KAZN: variants seen among roughly 807,000 people sequenced by gnomAD.
KAZN encodes kazrin.
KAZN carries 40 observed loss-of-function variants against 87.4 expected under a neutral mutation model. The observed-to-expected ratio is 0.46, with a 90% CI of 0.36 to 0.60. The LOEUF is 0.60. Among genes scored for constraint, KAZN ranks in the 20% least tolerant of loss-of-function variants. KAZN has a pLI of 0.00. For synonymous variants in KAZN, 466 were observed against 458.3 expected, an observed-to-expected ratio of 1.02 and a Z score of -0.22; for missense variants, 898 against 1,073.9, an observed-to-expected ratio of 0.84 and a Z score of 2.29.
chr1:14,453,850 A>G (rs569398246), intron 2 of KAZN, among the ~76,000 whole-genome samples: 95 of 152,214 alleles, frequency 6.2e-4, no homozygotes, highest in African/African-American at 1.9e-3. Context: ...GAAAAAAAAA[A>G]TAGTCAATCT....
intron 1 of KAZN, among the ~76,000 whole-genome samples, chr1:14,118,911 G>A (rs1644688750): frequency 6.6e-6 from 1 of 152,182 alleles, no homozygotes; most frequent in Non-Finnish European, 1.5e-5. Flanking sequence ...GAATGCGACA[G>A]ATTGGTTTCC....
intron 2 of KAZN, among the ~76,000 whole-genome samples, chr1:14,297,390 C>T (rs1275104945): frequency 6.6e-6 from 1 of 152,228 alleles, no homozygotes; most frequent in East Asian, 1.9e-4. Flanking sequence ...TTGGCCAGAA[C>T]TGTATCACTT....
chr1:14,960,559 C>A (rs994531617), intron 1 of KAZN, 125 bp from the exon 2 acceptor site: 1 of 970,234 alleles, frequency 1.0e-6, no homozygotes, highest in Non-Finnish European at 1.5e-6. Context: ...TCCCTTCACA[C>A]ATGTAGGAAA....
intron 2 of KAZN, among the ~76,000 whole-genome samples, chr1:14,488,768 T>C (rs1223487001): frequency 6.6e-6 from 1 of 152,206 alleles, no homozygotes; most frequent in Non-Finnish European, 1.5e-5. Flanking sequence ...AGAAAGTTTC[T>C]TCCCCCAGGG....
At chr1:14,362,537 T>C (rs1461233148) in intron 2 of KAZN, among the ~76,000 whole-genome samples, 1 of 152,190 alleles carries the variant, frequency 6.6e-6, no homozygotes, top group African/African-American at 2.4e-5. Context: ...TGAGGATGAA[T>C]GCCAGGAGGT....
chr1:14,809,224 G>A (rs957290568), intron 1 of KAZN, among the ~76,000 whole-genome samples: 1 of 152,222 alleles, frequency 6.6e-6, no homozygotes, highest in Non-Finnish European at 1.5e-5. Flanking sequence ...TGGTGGCACA[G>A]AATAAGCCAA....
At chr1:15,078,275 C>T (rs1036299752) in intron 8 of KAZN, among the ~76,000 whole-genome samples, 4 of 151,972 alleles carry the variant, frequency 2.6e-5, no homozygotes, top group South Asian at 2.1e-4. Context: ...CATGGTGGTG[C>T]GTGCCTGTAA....
At chr1:14,848,454 A>T (rs965129884) in intron 1 of KAZN, among the ~76,000 whole-genome samples, 1 of 152,246 alleles carries the variant, frequency 6.6e-6, no homozygotes, top group Non-Finnish European at 1.5e-5. Flanking sequence ...TGGGGTGAAC[A>T]CAAGCTGGCA....
rs10927951 is a variant in KAZN, at chr1:13,900,333, C to T, written c.91+6577C>T. ...TCATTCCTTTCCTCCAGCAGCCCCT[C>T]CCTGCCCAATCCCTCACCCTCAGCC... On this transcript the variant is annotated intron_variant, in intron 1 of 16. Coordinates refer to the KAZN transcript ENST00000636203. Among the ~76,000 whole-genome samples the T allele has an allele frequency of 8.7e-3, 1,326 of 152,236 alleles. 13 individuals carry two copies. The highest frequency in any genetic ancestry group is 0.031 in the African/African-American group (1,285 of 41,512).
At chr1:14,238,918 C>A (rs74057117) in intron 2 of KAZN, among the ~76,000 whole-genome samples, 1,878 of 152,332 alleles carry the variant, frequency 0.012, 38 homozygotes, top group African/African-American at 0.042. Context: ...CAAACACGTT[C>A]TTGAAGCTGT....
chr1:14,782,285 G>A (rs977982973), intron 1 of KAZN, among the ~76,000 whole-genome samples: 1 of 151,896 alleles, frequency 6.6e-6, no homozygotes, highest in African/African-American at 2.4e-5. Context: ...GGTGGTTCCC[G>A]CCTGTAATCC....
intron 2 of KAZN, among the ~76,000 whole-genome samples, chr1:14,337,571 T>C (rs1304242294): frequency 1.3e-5 from 2 of 152,292 alleles, no homozygotes; most frequent in East Asian, 3.9e-4. Context: ...GTTTTAATCC[T>C]GGGGCAAGTA....
chr1:14,506,614 G>T (rs1325390924), intron 2 of KAZN, among the ~76,000 whole-genome samples: 1 of 152,150 alleles, frequency 6.6e-6, no homozygotes, highest in African/African-American at 2.4e-5. Context: ...TATCTGGGTG[G>T]CTGTTGTGAG....
intron 1 of KAZN, among the ~76,000 whole-genome samples, chr1:14,162,262 C>T (rs953502320): frequency 2.0e-5 from 3 of 152,052 alleles, no homozygotes; most frequent in African/African-American, 4.8e-5. Context: ...TCTTTCAGAC[C>T]GATTGATAGC....
intron 1 of KAZN, among the ~76,000 whole-genome samples, chr1:14,043,612 GT>G (rs57731348): frequency 0.62 from 92,926 of 150,502 alleles, 29,877 homozygotes; most frequent in African/African-American, 0.8. Context: ...GTTATTTTCT[GT>G]TTTTTTTTTA....
At chr1:14,924,724 T>A in intron 1 of KAZN, 1 of 298,036 alleles carries the variant, frequency 3.4e-6, no homozygotes, top group Non-Finnish European at 5.0e-6. Context: ...CCCGGGCGGG[T>A]GCAGCGGGAG....
At chr1:14,274,774 T>A (rs1274756445) in intron 2 of KAZN, among the ~76,000 whole-genome samples, 1 of 152,180 alleles carries the variant, frequency 6.6e-6, no homozygotes, top group Non-Finnish European at 1.5e-5. Context: ...AACAGAGTGA[T>A]AATACACACA....
rs533662056 is a variant in KAZN at position 14,027,330 on chromosome 1, A to G, written c.91+133574A>G. Among the ~76,000 whole-genome samples, 15 of 152,334 alleles carry G rather than the reference A, an allele frequency of 9.8e-5. 1 individual carries two copies. The South Asian group carries it at 3.1e-3, about 32-fold the overall frequency. On this transcript the variant is annotated intron_variant, in intron 1 of 16. Transcript: ENST00000636203. The stretch of plus-strand genomic sequence containing the variant: ...TTGGAAGCCTAATGAGGCAGTTGCC[A>G]TGGTAACCGGGTGACATCCCTGTAG...
chr1:14,491,806 C>G (rs1373346699), intron 2 of KAZN, among the ~76,000 whole-genome samples: 1 of 152,010 alleles, frequency 6.6e-6, no homozygotes, highest in Non-Finnish European at 1.5e-5. Flanking sequence ...TGCTTTTCCC[C>G]CTTCTGAATT....
Sources: gnomAD v4.1 joint callset for allele counts (sites outside exome capture counted in the v4.1 genomes callset) on GRCh38, gnomAD v4.1.1 for gene constraint, MANE v1.5 for transcripts, NCBI Gene and HGNC (gene_info 2026-07-23, HGNC 2026-07-21) for gene names.